CNTN1: variants seen among roughly 807,000 people sequenced by gnomAD.
The protein encoded by CNTN1 is contactin-1.
Under a neutral mutation model 126.4 loss-of-function variants are expected in CNTN1, and 38 were observed. The observed-to-expected ratio is 0.30, with a 90% CI of 0.23 to 0.39. The LOEUF (loss-of-function observed/expected upper bound fraction) is 0.39. Among genes scored for constraint, CNTN1 ranks in the 10% least tolerant of loss-of-function variants. The pLI, the probability that CNTN1 is intolerant of heterozygous loss-of-function variation, is 1.00. For missense variants in CNTN1, 1,009 were observed against 1,248.4 expected (o/e 0.81, Z 2.89); for synonymous variants, 413 against 422.6 (o/e 0.98, Z 0.28).
chr12:40,827,835 A>G (rs1415843654), intron 1 of CNTN1, among the ~76,000 whole-genome samples: 1 of 152,164 alleles, frequency 6.6e-6, no homozygotes, highest in Non-Finnish European at 1.5e-5. Flanking sequence ...TGGATAGAAC[A>G]GCGACTACAG....
At chr12:40,778,888 T>A (rs891158299) in intron 1 of CNTN1, among the ~76,000 whole-genome samples, 2 of 151,836 alleles carry the variant, frequency 1.3e-5, no homozygotes, top group African/African-American at 4.8e-5. Flanking sequence ...GTTAGTTGCC[T>A]GTTTGAAACT....
At chr12:40,810,335 A>G (rs1941013269) in intron 1 of CNTN1, among the ~76,000 whole-genome samples, 1 of 152,234 alleles carries the variant, frequency 6.6e-6, no homozygotes, top group African/African-American at 2.4e-5. Flanking sequence ...TTTCCACAAT[A>G]AAGTTTGTTA....
intron 1 of CNTN1, among the ~76,000 whole-genome samples, chr12:40,836,008 G>GTGTA (rs141242584): frequency 0.36 from 53,997 of 148,166 alleles, 10,307 homozygotes; most frequent in East Asian, 0.54. Flanking sequence ...GTGTGTGTGT[G>GTGTA]TATATATGTA....
chr12:40,977,937 G>A (rs1198634824), intron 15 of CNTN1, among the ~76,000 whole-genome samples: 1 of 151,956 alleles, frequency 6.6e-6, no homozygotes, highest in African/African-American at 2.4e-5. Flanking sequence ...TGAATAGCTG[G>A]GATTATTAGG....
chr12:40,951,295 C>T (rs976703557), intron 14 of CNTN1, among the ~76,000 whole-genome samples: 11 of 152,152 alleles, frequency 7.2e-5, no homozygotes, highest in Admixed American at 4.6e-4. Flanking sequence ...ATTTTCAACA[C>T]GTCTACTCTT....
At chr12:41,023,487 T>C (rs990692385) in intron 20 of CNTN1, among the ~76,000 whole-genome samples, 1 of 152,230 alleles carries the variant, frequency 6.6e-6, no homozygotes, top group African/African-American at 2.4e-5. Flanking sequence ...AAGTCTTTCT[T>C]ATCAAGGGCA....
At chr12:40,816,974 T>A (rs1444199959) in intron 1 of CNTN1, among the ~76,000 whole-genome samples, 3 of 152,244 alleles carry the variant, frequency 2.0e-5, no homozygotes, top group African/African-American at 7.2e-5. Flanking sequence ...AGTTTCTTAA[T>A]CCTGGGTTCT....
intron 23 of CNTN1, among the ~76,000 whole-genome samples, chr12:41,051,029 T>C (rs921482084): frequency 6.6e-6 from 1 of 152,116 alleles, no homozygotes; most frequent in Non-Finnish European, 1.5e-5. Context: ...CTATTGAGAA[T>C]GCATGCTCGG....
chr12:40,871,504 C>G (rs1438586192), intron 1 of CNTN1, among the ~76,000 whole-genome samples: 2 of 152,024 alleles, frequency 1.3e-5, no homozygotes, highest in Non-Finnish European at 2.9e-5. Flanking sequence ...TATTCTGAAG[C>G]TAGACTCTAA....
At chr12:41,029,803 T>C (rs1224439864) in intron 23 of CNTN1, among the ~76,000 whole-genome samples, 1 of 152,094 alleles carries the variant, frequency 6.6e-6, no homozygotes, top group Non-Finnish European at 1.5e-5. Flanking sequence ...TTATAGCCCC[T>C]TTGTCTTTTC....
chr12:40,925,654 TG>T (rs914414231), intron 6 of CNTN1, among the ~76,000 whole-genome samples: 1 of 146,282 alleles, frequency 6.8e-6, no homozygotes, highest in Non-Finnish European at 1.5e-5. Flanking sequence ...GAGAGAGTTG[TG>T]GTTGTTTACA....
chr12:40,751,613 G>A (rs1183392950), intron 1 of CNTN1, among the ~76,000 whole-genome samples: 2 of 152,026 alleles, frequency 1.3e-5, no homozygotes, highest in Non-Finnish European at 2.9e-5. Context: ...AGGCAACCCT[G>A]GTTTTCAGTT....
intron 23 of CNTN1, among the ~76,000 whole-genome samples, chr12:41,062,132 T>C (rs1949949295): frequency 6.6e-6 from 1 of 152,188 alleles, no homozygotes; most frequent in Non-Finnish European, 1.5e-5. Flanking sequence ...TAGAAACTCT[T>C]AAAACCAATT....
At chr12:40,964,525 A>AGTGTGTGTGT (rs369450437) in intron 15 of CNTN1, among the ~76,000 whole-genome samples, 6,437 of 104,736 alleles carry the variant, frequency 0.061, 175 homozygotes, top group Admixed American at 0.094. Flanking sequence ...CGTGTAAGTG[A>AGTGTGTGTGT]GTGTGTGTGT....
intron 1 of CNTN1, among the ~76,000 whole-genome samples, chr12:40,786,329 C>T (rs999511548): frequency 6.6e-6 from 1 of 152,264 alleles, no homozygotes; most frequent in African/African-American, 2.4e-5. Flanking sequence ...CTGATTAAGT[C>T]CTTCTCACAT....
At chr12:40,770,028 C>T (rs188051678) in intron 1 of CNTN1, among the ~76,000 whole-genome samples, 3 of 152,082 alleles carry the variant, frequency 2.0e-5, no homozygotes, top group East Asian at 3.9e-4. Flanking sequence ...CACTCAGGCA[C>T]AGTGTTCTTT....
intron 14 of CNTN1, 103 bp downstream of exon 14, chr12:40,944,273 C>A: frequency 8.8e-7 from 1 of 1,135,170 alleles, no homozygotes; most frequent in Non-Finnish European, 1.3e-6. Context: ...CTTTGTTTTT[C>A]ATGAGACCAA....
At chr12:41,007,664 T>C (rs893620003) in intron 17 of CNTN1, among the ~76,000 whole-genome samples, 8 of 152,134 alleles carry the variant, frequency 5.3e-5, no homozygotes, top group Non-Finnish European at 1.2e-4. Flanking sequence ...CACAGATTGG[T>C]TTGATCAGGT....
chr12:40,809,851 A>ACACACACAG (rs1206384993), intron 1 of CNTN1, among the ~76,000 whole-genome samples: 1 of 100,014 alleles, frequency 1.0e-5, no homozygotes, highest in Non-Finnish European at 2.2e-5. Context: ...CACACACACA[A>ACACACACAG]AAGTCAAAAC....
Sources: allele counts gnomAD v4.1 joint callset (sites outside exome capture counted in the v4.1 genomes callset), GRCh38; gene constraint gnomAD v4.1.1; transcripts MANE v1.5; gene names NCBI Gene and HGNC (gene_info 2026-07-23, HGNC 2026-07-21).